INPP4B: variants seen among roughly 807,000 people sequenced by gnomAD.
The protein encoded by INPP4B is inositol polyphosphate-4-phosphatase type II B, also known as inositol polyphosphate 4-phosphatase type II.
In INPP4B, 55 loss-of-function variants were observed where a neutral mutation model predicts 122.5. The observed-to-expected ratio is 0.45, with a 90% CI of 0.36 to 0.56. INPP4B has a LOEUF of 0.56. INPP4B is among the 20% of genes least tolerant of loss of function. INPP4B has a pLI of 0.00. For synonymous variants in INPP4B, 403 were observed against 388.7 expected, an observed-to-expected ratio of 1.04 and a Z score of -0.43; for missense variants, 1,000 against 1,097.7, an observed-to-expected ratio of 0.91 and a Z score of 1.26.
At chr4:142,761,039 A>T (rs757454114) in intron 1 of INPP4B, among the ~76,000 whole-genome samples, 4 of 152,040 alleles carry the variant, frequency 2.6e-5, no homozygotes, top group Admixed American at 6.6e-5. Flanking sequence ...TATTCTCCCA[A>T]ATCTTGCAAC....
At chr4:142,076,668 C>T (rs1770884122) in intron 25 of INPP4B, among the ~76,000 whole-genome samples, 1 of 151,984 alleles carries the variant, frequency 6.6e-6, no homozygotes, top group African/African-American at 2.4e-5. Flanking sequence ...AAATAGCACA[C>T]CAACATGGCA....
Position 142,139,602 on chromosome 4 carries a change from C to T in INPP4B, c.1720+6238G>A, listed in dbSNP as rs373261145. Among the ~76,000 whole-genome samples, 41 of 152,238 alleles carry T rather than the reference C, an allele frequency of 2.7e-4. 2 individuals carry two copies. The South Asian group carries it at 7.3e-3, about 27-fold the overall frequency. ...GATTACAGTCGTGAGCCACCCTGCC[C>T]GGCCCAGTCTTTAATTATTTTAAGT... On this transcript the variant is annotated intron_variant, in intron 18 of 25. Transcript: ENST00000262992.
chr4:142,445,951 A>G (rs1366269911), intron 3 of INPP4B, among the ~76,000 whole-genome samples: 1 of 152,160 alleles, frequency 6.6e-6, no homozygotes, highest in East Asian at 1.9e-4. Context: ...AGCAAAAAGA[A>G]AGTCACAAAG....
intron 7 of INPP4B, among the ~76,000 whole-genome samples, chr4:142,371,957 C>T (rs922413676): frequency 2.0e-5 from 3 of 151,572 alleles, no homozygotes; most frequent in African/African-American, 4.8e-5. Flanking sequence ...GAAAGAAAAT[C>T]AGTATATCAA....
chr4:142,029,541 T>G, intron 25 of INPP4B: 1 of 985,520 alleles, frequency 1.0e-6, no homozygotes, highest in South Asian at 4.7e-5. Context: ...AATAGAAAAG[T>G]CCTCTGAAAG....
chr4:142,532,613 G>A (rs927611132), intron 2 of INPP4B, among the ~76,000 whole-genome samples: 3 of 151,962 alleles, frequency 2.0e-5, no homozygotes, highest in Admixed American at 1.3e-4. Flanking sequence ...AACCACAATA[G>A]CCCGCCAGAT....
At chr4:142,383,957 G>A (rs1024646118) in intron 7 of INPP4B, 119 of 622,274 alleles carry the variant, frequency 1.9e-4, no homozygotes, top group Middle Eastern at 7.7e-4. Context: ...GTCTCATTAA[G>A]TTACCATCGT....
chr4:142,567,678 G>C (rs2150146761), intron 2 of INPP4B, among the ~76,000 whole-genome samples: 1 of 152,116 alleles, frequency 6.6e-6, no homozygotes, highest in East Asian at 1.9e-4. Flanking sequence ...ATACATATGG[G>C]AAAAGGTACA....
At chr4:142,052,100 T>A (rs528262342) in intron 25 of INPP4B, among the ~76,000 whole-genome samples, 12 of 151,994 alleles carry the variant, frequency 7.9e-5, no homozygotes, top group Non-Finnish European at 1.3e-4. Context: ...AACACTCAGG[T>A]CTTTTTTGAT....
intron 12 of INPP4B, among the ~76,000 whole-genome samples, chr4:142,227,850 T>C (rs1852229647): frequency 1.0e-5 from 1 of 96,424 alleles, no homozygotes; most frequent in Non-Finnish European, 1.9e-5. Context: ...AGAGGGAGAC[T>C]CTATCTAAAA....
intron 1 of INPP4B, among the ~76,000 whole-genome samples, chr4:142,813,166 AT>A (rs1779724466): frequency 6.6e-6 from 1 of 152,196 alleles, no homozygotes; most frequent in Non-Finnish European, 1.5e-5. Flanking sequence ...TGTACTGTTG[AT>A]ATCCCAAGCC....
intron 8 of INPP4B, among the ~76,000 whole-genome samples, chr4:142,308,705 T>A (rs766946941): frequency 6.6e-6 from 1 of 151,650 alleles, no homozygotes. Flanking sequence ...TCATTATAAT[T>A]ATATAATTTA....
intron 2 of INPP4B, among the ~76,000 whole-genome samples, chr4:142,698,687 A>G (rs1486270295): frequency 1.3e-5 from 2 of 152,190 alleles, no homozygotes; most frequent in Non-Finnish European, 2.9e-5. Flanking sequence ...GGCAGACCTG[A>G]ACTACCTTCC....
At chr4:142,575,364 T>C (rs1036442681) in intron 2 of INPP4B, among the ~76,000 whole-genome samples, 1 of 152,048 alleles carries the variant, frequency 6.6e-6, no homozygotes, top group African/African-American at 2.4e-5. Context: ...TGAAGACCTG[T>C]TGTCATTTTA....
At chr4:142,276,477 A>G (rs528188766) in intron 9 of INPP4B, among the ~76,000 whole-genome samples, 4 of 151,848 alleles carry the variant, frequency 2.6e-5, no homozygotes, top group Non-Finnish European at 4.4e-5. Flanking sequence ...TTGAGTAACA[A>G]AGCCCTTGGT....
At chr4:142,523,705 G>A (rs1278061203) in intron 2 of INPP4B, among the ~76,000 whole-genome samples, 1 of 150,894 alleles carries the variant, frequency 6.6e-6, no homozygotes, top group Non-Finnish European at 1.5e-5. Context: ...TGTGCACATT[G>A]TGCAGGTTAG....
At chr4:142,357,063 A>G (rs1783849163) in intron 7 of INPP4B, among the ~76,000 whole-genome samples, 1 of 151,998 alleles carries the variant, frequency 6.6e-6, no homozygotes. Flanking sequence ...ACCTTGCCCT[A>G]TTTACCTCTT....
In INPP4B at chr4:142,340,746, A is replaced by G. The variant is rs550112073; in HGVS notation, c.373-25984T>C. Among the ~76,000 whole-genome samples the G allele has an allele frequency of 5.9e-5, 9 of 152,258 alleles. No individual in the cohort carries two copies. The East Asian group carries it at 1.4e-3, about 23-fold the overall frequency. ...TCTCGTTAGCCTGCCAGTGGGGAGGAACCTCGGCTTTATTCTTCCCCTCTA... is the reference window on the plus strand; with the variant it reads ...TCTCGTTAGCCTGCCAGTGGGGAGGGACCTCGGCTTTATTCTTCCCCTCTA... On this transcript the variant is annotated intron_variant, in intron 7 of 25. Coordinates refer to ENST00000262992, the MANE Select transcript of INPP4B (RefSeq NM_001101669.3).
At chr4:142,494,339 A>G (rs1035852928) in intron 2 of INPP4B, among the ~76,000 whole-genome samples, 2 of 152,202 alleles carry the variant, frequency 1.3e-5, no homozygotes, top group African/African-American at 2.4e-5. Context: ...AACACTATAG[A>G]TAATATTATT....
Sources: allele counts gnomAD v4.1 joint callset (sites outside exome capture counted in the v4.1 genomes callset), GRCh38; gene constraint gnomAD v4.1.1; transcripts MANE v1.5; gene names NCBI Gene and HGNC (gene_info 2026-07-23, HGNC 2026-07-21).